The following PTPRD variants were observed in gnomAD, a reference collection of about 807,000 sequenced individuals.
PTPRD encodes the protein receptor-type tyrosine-protein phosphatase delta.
A neutral mutation model predicts 214.5 loss-of-function variants in PTPRD; 34 were observed. The ratio of observed to expected loss-of-function variants is 0.16; its 90% CI spans 0.12 to 0.21. The LOEUF (loss-of-function observed/expected upper bound fraction) is 0.21, where lower values mean the gene tolerates loss of function less well. Among genes scored for constraint, PTPRD ranks in the 10% least tolerant of loss-of-function variants. The pLI is 1.00. For synonymous variants in PTPRD, 1,128 were observed against 845.7 expected (o/e 1.33, Z -5.79); for missense variants, 2,545 against 2,398.7 (o/e 1.06, Z -1.27).
intron 12 of PTPRD, among the ~76,000 whole-genome samples, chr9:8,696,128 T>C (rs376078940): frequency 2.6e-5 from 4 of 152,190 alleles, no homozygotes; most frequent in Admixed American, 6.5e-5. Context: ...CTCAGCTGGG[T>C]TGAGGACCAA....
intron 10 of PTPRD, among the ~76,000 whole-genome samples, chr9:9,058,426 G>C (rs1035865984): frequency 7.3e-6 from 1 of 137,180 alleles, no homozygotes; most frequent in African/African-American, 2.6e-5. Flanking sequence ...ATATTGGTGA[G>C]AGAAATATTA....
intron 44 of PTPRD, among the ~76,000 whole-genome samples, chr9:8,323,475 C>T (rs568117601): frequency 3.3e-5 from 5 of 152,256 alleles, no homozygotes; most frequent in African/African-American, 9.6e-5. Context: ...CCATTAAAAA[C>T]ATTTGTGATT....
intron 14 of PTPRD, among the ~76,000 whole-genome samples, chr9:8,600,822 C>A (rs192145645): frequency 6.6e-6 from 1 of 151,862 alleles, no homozygotes; most frequent in South Asian, 2.1e-4. Context: ...CAGGTGAGAA[C>A]CATCATATTA....
intron 11 of PTPRD, among the ~76,000 whole-genome samples, chr9:8,790,985 G>C (rs150270113): frequency 2.0e-4 from 31 of 152,298 alleles, no homozygotes; most frequent in Middle Eastern, 6.8e-3. Context: ...TGAGGAAAGT[G>C]ATAGTAGGCA....
chr9:9,162,440 C>A (rs1328778790), intron 10 of PTPRD, among the ~76,000 whole-genome samples: 1 of 152,128 alleles, frequency 6.6e-6, no homozygotes, highest in East Asian at 1.9e-4. Context: ...TTTTGGACTT[C>A]TCACTGCCCA....
intron 10 of PTPRD, among the ~76,000 whole-genome samples, chr9:9,019,325 A>AAAGAAAGGAAGG (rs1554629508): frequency 1.6e-5 from 1 of 63,418 alleles, no homozygotes; most frequent in Non-Finnish European, 3.5e-5. Context: ...AGAAAGAAAG[A>AAAGAAAGGAAGG]AAGAAAGAAA....
chr9:9,209,000 G>C (rs373693871), intron 9 of PTPRD, among the ~76,000 whole-genome samples: 1 of 151,956 alleles, frequency 6.6e-6, no homozygotes. Flanking sequence ...AGTAGAGACA[G>C]GGTTTCACCA....
chr9:8,827,126 T>G (rs1322206707), intron 11 of PTPRD, among the ~76,000 whole-genome samples: 1 of 151,974 alleles, frequency 6.6e-6, no homozygotes, highest in African/African-American at 2.4e-5. Context: ...TCACTACACT[T>G]CTGATAAAAT....
intron 15 of PTPRD, 95 bp downstream of exon 15, chr9:8,528,496 G>T: frequency 8.8e-7 from 1 of 1,137,412 alleles, no homozygotes; most frequent in Admixed American, 2.2e-5. Flanking sequence ...TCAGTACCTA[G>T]AAATAAAAAA....
chr9:9,129,112 G>A (rs1346077435), intron 10 of PTPRD, among the ~76,000 whole-genome samples: 4 of 152,164 alleles, frequency 2.6e-5, no homozygotes, highest in Admixed American at 6.5e-5. Context: ...GAATTAGGCC[G>A]GGCGCAGTGG....
intron 9 of PTPRD, among the ~76,000 whole-genome samples, chr9:9,210,820 A>G (rs2099948043): frequency 1.3e-5 from 2 of 151,562 alleles, no homozygotes; most frequent in African/African-American, 4.8e-5. Context: ...GCACAAATGT[A>G]TCTTTAGTTT....
intron 2 of PTPRD, among the ~76,000 whole-genome samples, chr9:10,387,504 G>C (rs982287758): frequency 6.6e-6 from 1 of 151,826 alleles, no homozygotes; most frequent in Admixed American, 6.6e-5. Flanking sequence ...CACAGTAAGA[G>C]TAGGTGTTCT....
intron 5 of PTPRD, among the ~76,000 whole-genome samples, chr9:9,901,084 C>T (rs1294185480): frequency 1.3e-5 from 2 of 152,118 alleles, no homozygotes; most frequent in Non-Finnish European, 2.9e-5. Context: ...GGAAAGTCTT[C>T]AGAAAGCTTA....
chr9:9,118,339 C>T (rs1044832528), intron 10 of PTPRD, among the ~76,000 whole-genome samples: 1 of 152,104 alleles, frequency 6.6e-6, no homozygotes, highest in African/African-American at 2.4e-5. Flanking sequence ...GCGGAGTGAA[C>T]AGATATGATC....
At chr9:9,113,558 G>C (rs1027278394) in intron 10 of PTPRD, among the ~76,000 whole-genome samples, 3 of 152,088 alleles carry the variant, frequency 2.0e-5, no homozygotes, top group African/African-American at 7.2e-5. Context: ...GGTGAGAAAA[G>C]GGATGTTTTT....
At chr9:9,591,578 T>C (rs996242674) in intron 7 of PTPRD, among the ~76,000 whole-genome samples, 1 of 152,080 alleles carries the variant, frequency 6.6e-6, no homozygotes, top group Non-Finnish European at 1.5e-5. Flanking sequence ...TCACAAAGTA[T>C]AATGGCGGCA....
intron 7 of PTPRD, among the ~76,000 whole-genome samples, chr9:9,712,692 A>T (rs1023373222): frequency 6.6e-6 from 1 of 152,192 alleles, no homozygotes; most frequent in African/African-American, 2.4e-5. Context: ...AGGCTGACAA[A>T]AGTTCTCTTA....
chr9:9,035,892 CAT>C (rs1011436210), intron 10 of PTPRD, among the ~76,000 whole-genome samples: 4 of 151,942 alleles, frequency 2.6e-5, no homozygotes, highest in African/African-American at 7.2e-5. Flanking sequence ...TTGGGAGAAA[CAT>C]ATTGAAACAT....
rs116054460 is a variant in PTPRD, at chr9:8,993,467, G to A, written c.-104+25230C>T. On this transcript the variant is annotated intron_variant, in intron 11 of 45. Coordinates refer to ENST00000381196, the MANE Select transcript of PTPRD (RefSeq NM_002839.4). ...TAGCGTTTTTCCCATTAACAATTCT[G>A]TTGAAAATTTGTTTGTTTCTACTTC... Among the ~76,000 whole-genome samples, 572 of 152,140 alleles carry A rather than the reference G, an allele frequency of 3.8e-3. 4 individuals are homozygous for A. Among genetic ancestry groups the A allele is most frequent in the African/African-American group, 0.013 (525 of 41,528 alleles).
Sources: allele counts gnomAD v4.1 joint callset (sites outside exome capture counted in the v4.1 genomes callset), GRCh38; gene constraint gnomAD v4.1.1; transcripts MANE v1.5; gene names NCBI Gene and HGNC (gene_info 2026-07-23, HGNC 2026-07-21).